The following SULF1 variants were observed in gnomAD, a reference collection of about 807,000 sequenced individuals.
The protein encoded by SULF1 is sulfatase 1.
Under a neutral mutation model 110.5 loss-of-function variants are expected in SULF1, and 46 were observed. That is an observed-to-expected ratio of 0.42 (90% confidence interval 0.33 to 0.53). The LOEUF (loss-of-function observed/expected upper bound fraction) is 0.53. SULF1 is among the 20% of genes least tolerant of loss of function. The pLI is 0.12. For synonymous variants in SULF1, 371 were observed against 387.1 expected (o/e 0.96, Z 0.49); for missense variants, 941 against 1,094.2 (o/e 0.86, Z 1.98).
chr8:69,619,117 A>G (rs1481273406), intron 13 of SULF1, among the ~76,000 whole-genome samples: 1 of 152,198 alleles, frequency 6.6e-6, no homozygotes, highest in East Asian at 1.9e-4. Context: ...ACAAAAAACC[A>G]TAATTTTACA....
chr8:69,556,009 A>G (rs1468709313), intron 3 of SULF1, among the ~76,000 whole-genome samples: 1 of 152,230 alleles, frequency 6.6e-6, no homozygotes, highest in Non-Finnish European at 1.5e-5. Flanking sequence ...TGTCGAAAGT[A>G]TATTTTTAGT....
chr8:69,471,271 C>G (rs1294154057), intron 1 of SULF1, among the ~76,000 whole-genome samples: 1 of 152,076 alleles, frequency 6.6e-6, no homozygotes, highest in Middle Eastern at 3.2e-3. Context: ...CCACAGAAGA[C>G]CCTAATAAGT....
At chr8:69,492,668 T>G (rs1209746471), upstream of SULF1, 1 of 151,088 alleles carries the variant, frequency 6.6e-6, no homozygotes, top group Non-Finnish European at 1.5e-5. Flanking sequence ...TCAGTTGCCC[T>G]TTTTTTTCCC....
intron 21 of SULF1, among the ~76,000 whole-genome samples, chr8:69,639,502 C>T (rs920471877): frequency 5.3e-5 from 8 of 152,134 alleles, no homozygotes; most frequent in African/African-American, 1.2e-4. Context: ...TTTCAGTGTC[C>T]GCCCCAGCTC....
chr8:69,541,512 C>T (rs763578809), intron 3 of SULF1, among the ~76,000 whole-genome samples: 1 of 152,204 alleles, frequency 6.6e-6, no homozygotes, highest in Non-Finnish European at 1.5e-5. Context: ...GGGACTGTAA[C>T]AAATGCATCA....
At chr8:69,588,224 C>T (rs1262469619) in intron 7 of SULF1, among the ~76,000 whole-genome samples, 1 of 152,214 alleles carries the variant, frequency 6.6e-6, no homozygotes, top group Non-Finnish European at 1.5e-5. Flanking sequence ...TCAGCCCCCC[C>T]TGACTGTGGG....
At chr8:69,573,031 C>T (rs1198104537) in intron 5 of SULF1, among the ~76,000 whole-genome samples, 3 of 152,186 alleles carry the variant, frequency 2.0e-5, no homozygotes, top group African/African-American at 7.2e-5. Context: ...TTTACCATGT[C>T]GGCCAGACTG....
chr8:69,626,406 G>A (rs1810029956), intron 15 of SULF1, among the ~76,000 whole-genome samples: 1 of 152,260 alleles, frequency 6.6e-6, no homozygotes, highest in Non-Finnish European at 1.5e-5. Context: ...AGACTCAGGA[G>A]CCCAGCTGGC....
At position 69,493,056 on chromosome 8, in the gene SULF1, A is replaced by C. The variant is rs1185594234; in HGVS notation, c.-460A>C. 4 of 152,596 alleles carry C rather than the reference A, an allele frequency of 2.6e-5. No individual in the cohort carries two copies. Among genetic ancestry groups the C allele is most frequent in the African/African-American group, 7.2e-5 (3 of 41,440 alleles). The allele number at this position is 152,596 out of a possible 1,614,324, so 9.5% of individuals were successfully genotyped here. A position where few individuals can be genotyped will look rare whatever the true frequency, so the allele number is the denominator to read the frequency against. ...AGGAAGGAAGTCCCGCTGCCACCTT[A>C]TCTCTGCTCCTCTGCCTCCTCCCTG... On this transcript the variant is annotated 5_prime_UTR_variant, in exon 1 of 23. Transcript: ENST00000402687.
intron 17 of SULF1, 24 bp from the exon 18 acceptor site, chr8:69,628,147 A>C: frequency 6.3e-7 from 1 of 1,595,856 alleles, no homozygotes; most frequent in Non-Finnish European, 8.6e-7. Flanking sequence ...ATGAAGTCTC[A>C]CTTTTTAATC....
intron 3 of SULF1, among the ~76,000 whole-genome samples, chr8:69,545,648 G>C (rs1814205440): frequency 1.3e-5 from 2 of 152,012 alleles, no homozygotes; most frequent in East Asian, 3.9e-4. Flanking sequence ...TTTTGTCTTT[G>C]GTTTTTTGGG....
chr8:69,616,478 G>C (rs1055323049), intron 13 of SULF1, among the ~76,000 whole-genome samples: 1 of 151,006 alleles, frequency 6.6e-6, no homozygotes, highest in Admixed American at 6.6e-5. Context: ...CTCAGCTCAC[G>C]GCAACCTCCG....
intron 22 of SULF1, among the ~76,000 whole-genome samples, chr8:69,648,792 T>G (rs1003892258): frequency 6.6e-6 from 1 of 152,222 alleles, no homozygotes; most frequent in Admixed American, 6.5e-5. Flanking sequence ...GAGTTAAAAT[T>G]CCATGCATGC....
intron 3 of SULF1, among the ~76,000 whole-genome samples, chr8:69,552,450 C>A (rs930515125): frequency 1.6e-4 from 24 of 152,204 alleles, no homozygotes; most frequent in African/African-American, 5.8e-4. Context: ...TCCAATAAAA[C>A]TAATTAGCAA....
chr8:69,613,492 A>G lies in SULF1; in HGVS notation c.1378-7543A>G, dbSNP rs141859038. On this transcript the variant is annotated intron_variant, in intron 13 of 22. Coordinates refer to ENST00000402687, the MANE Select transcript of SULF1 (RefSeq NM_001128205.2). Reference sequence around the variant, plus strand: ...ATAATGATTACTTAGTGGATACTTCAGGAAGGAAAAGCAACCAGAGGTCAT... The same window carrying G: ...ATAATGATTACTTAGTGGATACTTCGGGAAGGAAAAGCAACCAGAGGTCAT... Among the ~76,000 whole-genome samples, 1,110 of 152,284 alleles carry G rather than the reference A, an allele frequency of 7.3e-3. 11 individuals carry two copies. Among genetic ancestry groups the G allele is most frequent in the African/African-American group, 0.025 (1,033 of 41,564 alleles).
chr8:69,525,735 ATT>A (rs1812614188), intron 3 of SULF1, among the ~76,000 whole-genome samples: 2 of 152,154 alleles, frequency 1.3e-5, no homozygotes, highest in African/African-American at 4.8e-5. Flanking sequence ...TGTGCAGGAT[ATT>A]GTCTAGGCAC....
chr8:69,508,656 C>T (rs1408323848), intron 3 of SULF1, among the ~76,000 whole-genome samples: 1 of 152,020 alleles, frequency 6.6e-6, no homozygotes, highest in Non-Finnish European at 1.5e-5. Flanking sequence ...TGGGATTCAC[C>T]ATAAAATTAA....
intron 6 of SULF1, among the ~76,000 whole-genome samples, chr8:69,583,663 C>T (rs149344846): frequency 2.6e-4 from 39 of 152,230 alleles, no homozygotes; most frequent in Non-Finnish European, 5.0e-4. Context: ...GATTCATGAA[C>T]CCAAATTCAA....
chr8:69,502,766 C>T (rs1175784787), intron 3 of SULF1, among the ~76,000 whole-genome samples: 1 of 145,432 alleles, frequency 6.9e-6, no homozygotes, highest in Non-Finnish European at 1.5e-5. Flanking sequence ...TGGCTCACTG[C>T]AACCTCCGCC....
Sources: gnomAD v4.1 joint callset for allele counts (sites outside exome capture counted in the v4.1 genomes callset) on GRCh38, gnomAD v4.1.1 for gene constraint, MANE v1.5 for transcripts, NCBI Gene and HGNC (gene_info 2026-07-23, HGNC 2026-07-21) for gene names.